Variants in HHIPL1 observed in about 807,000 individuals in gnomAD.
HHIPL1 encodes HHIP-like protein 1.
In HHIPL1, 43 loss-of-function variants were observed where a neutral mutation model predicts 61.8. That is an observed-to-expected ratio of 0.70 (90% CI 0.55 to 0.90). The LOEUF is 0.90. Among genes scored for constraint, HHIPL1 ranks in the 40% least tolerant of loss-of-function variants. The pLI is 0.00. For synonymous variants in HHIPL1, 482 were observed against 515.8 expected, an observed-to-expected ratio of 0.93 and a Z score of 0.89; for missense variants, 1,056 against 1,157.7, an observed-to-expected ratio of 0.91 and a Z score of 1.28.
chr14:99,637,205 AAAGAAAG>A, the HHIPL1 span, among the ~76,000 whole-genome samples: 1 of 48,078 alleles, frequency 2.1e-5, no homozygotes, highest in Non-Finnish European at 4.9e-5. Context: ...AGAAAGGAAG[AAAGAAAG>A]AAAGAAAGAA....
chr14:99,604,652 G>C, the HHIPL1 span: 1 of 152,144 alleles, frequency 6.6e-6, no homozygotes, highest in East Asian at 1.9e-4. Flanking sequence ...GGAAAGGTAG[G>C]GCCGGGCTTC....
intron 1 of HHIPL1, among the ~76,000 whole-genome samples, chr14:99,646,817 G>GATATA (rs1408033676): frequency 1.0e-3 from 66 of 64,466 alleles, no homozygotes; most frequent in African/African-American, 2.7e-3. Context: ...GATATGATAT[G>GATATA]ATATGATATG....
At chr14:99,637,042 AGAAAGAAGGAAG>A in the HHIPL1 span, among the ~76,000 whole-genome samples, 7,974 of 121,568 alleles carry the variant, frequency 0.066, 524 homozygotes, top group Non-Finnish European at 0.097. Flanking sequence ...AAAGAAAGAA[AGAAAGAAGGAAG>A]GAAGGAAAAA....
In HHIPL1 at chr14:99,675,131, GC is replaced by G; in HGVS notation, c.1855del (p.Arg619GlyfsTer43). 1 of 1,129,828 alleles carries G rather than the reference GC, an allele frequency of 8.9e-7. No individual in the cohort carries two copies. The highest frequency in any genetic ancestry group is 3.4e-5 in the South Asian group (1 of 29,798). 70.0% of individuals were successfully genotyped at this position (1,129,828 alleles called of 1,614,324 possible). A position where few individuals can be genotyped will look rare whatever the true frequency, so the allele number is the denominator to read the frequency against. ...KTRSTPRPTA[R>X]APTRAPRRGR... Reference sequence around the variant, plus strand: ...CACGGAGCACCCCGCGGCCTACAGCGCGGGCGCCCACGCGGGCGCCCCGCCG... The same window carrying G: ...CACGGAGCACCCCGCGGCCTACAGCGGGGCGCCCACGCGGGCGCCCCGCCG... On this transcript the variant is annotated frameshift_variant, in exon 9 of 9. Transcript: ENST00000330710. LOFTEE classifies it low-confidence loss of function (END_TRUNC). The surrounding 1 kb of genome is among the most constrained non-coding windows in gnomAD (Gnocchi z 5.4).
the HHIPL1 span, among the ~76,000 whole-genome samples, chr14:99,630,822 T>C: frequency 2.0e-5 from 3 of 152,162 alleles, no homozygotes; most frequent in East Asian, 3.9e-4. Flanking sequence ...ACAAAGTCGA[T>C]ATTCTGTCCC....
chr14:99,605,611 G>T, the HHIPL1 span, among the ~76,000 whole-genome samples: 2 of 152,382 alleles, frequency 1.3e-5, no homozygotes, highest in African/African-American at 4.8e-5. Flanking sequence ...GGGACTTGGC[G>T]TCCTGGGAGC....
upstream of HHIPL1, among the ~76,000 whole-genome samples, chr14:99,644,308 C>T (rs1453878817): frequency 2.6e-5 from 4 of 152,150 alleles, no homozygotes; most frequent in Non-Finnish European, 5.9e-5. Context: ...GAGAAGCAAA[C>T]GCTGAGGTCC....
chr14:99,654,727 C>A (rs1301700329), intron 2 of HHIPL1, among the ~76,000 whole-genome samples: 1 of 152,178 alleles, frequency 6.6e-6, no homozygotes, highest in Non-Finnish European at 1.5e-5. Context: ...CTTTATGATT[C>A]ACAGCATTAG....
the HHIPL1 span, among the ~76,000 whole-genome samples, chr14:99,636,053 C>T: frequency 2.0e-5 from 3 of 152,072 alleles, no homozygotes; most frequent in South Asian, 2.1e-4. Context: ...TCTGGAGCCA[C>T]GGGGCACTGG....
the HHIPL1 span, among the ~76,000 whole-genome samples, chr14:99,619,104 G>C: frequency 6.6e-6 from 1 of 152,002 alleles, no homozygotes; most frequent in East Asian, 1.9e-4. Context: ...TATCCCTCCC[G>C]ACACCCCGTG....
chr14:99,631,649 G>A, the HHIPL1 span, among the ~76,000 whole-genome samples: 1 of 152,090 alleles, frequency 6.6e-6, no homozygotes, highest in African/African-American at 2.4e-5. Flanking sequence ...ATGGAGTCTC[G>A]CTCTATCACC....
intron 1 of HHIPL1, among the ~76,000 whole-genome samples, chr14:99,649,384 G>A (rs1337751243): frequency 6.6e-6 from 1 of 152,198 alleles, no homozygotes; most frequent in African/African-American, 2.4e-5. Flanking sequence ...ATGAAATGTT[G>A]CTGACTAATC....
rs781222882 is a variant in HHIPL1, at chr14:99,662,894, A to G, written c.1521A>G (p.Gln507=). 9.3e-6 allele frequency: 15 copies of G among 1,606,832 alleles called. No homozygotes were observed. Among genetic ancestry groups the G allele is most frequent in the Non-Finnish European group, 1.3e-5 (15 of 1,177,494 alleles). Residue 507 remains glutamine (Q), a synonymous_variant, in exon 6 of 9, where the codon CAA becomes CAG. Transcript: ENST00000330710. ...TTTGCAGGCGTCTGATGTCCCTCCAAGAGAACCCAGGGACAGGCCAGTGGC... is the reference window on the plus strand; with the variant it reads ...TTTGCAGGCGTCTGATGTCCCTCCAGGAGAACCCAGGGACAGGCCAGTGGC... ...DFMSGRLMSL[Q]ENPGTGQWQY... is the part of the protein sequence containing the mutation.
chr14:99,655,776 C>T (rs964525076), intron 2 of HHIPL1, among the ~76,000 whole-genome samples: 1 of 152,188 alleles, frequency 6.6e-6, no homozygotes, highest in African/African-American at 2.4e-5. Flanking sequence ...GGTTAAGTTA[C>T]TTAAAGACTA....
the HHIPL1 span, among the ~76,000 whole-genome samples, chr14:99,610,953 A>G: frequency 1.3e-5 from 2 of 152,190 alleles, no homozygotes; most frequent in African/African-American, 4.8e-5. Context: ...GCATTGTAGG[A>G]CATTCACCAG....
intron 6 of HHIPL1, among the ~76,000 whole-genome samples, chr14:99,666,815 AGTGGGACTG>A (rs1180097756): frequency 1.3e-5 from 2 of 152,152 alleles, no homozygotes; most frequent in Non-Finnish European, 2.9e-5. Flanking sequence ...CGACCTCCCC[AGTGGGACTG>A]GTGCCCCTGG....
intron 2 of HHIPL1, among the ~76,000 whole-genome samples, chr14:99,653,764 T>C (rs1022265626): frequency 2.6e-5 from 4 of 152,210 alleles, no homozygotes; most frequent in Non-Finnish European, 4.4e-5. Flanking sequence ...CCAACTGTTT[T>C]CAAAATGGGT....
At chr14:99,665,758 A>ATTG in intron 6 of HHIPL1, among the ~76,000 whole-genome samples, 1 of 150,282 alleles carries the variant, frequency 6.7e-6, no homozygotes, top group African/African-American at 2.4e-5. Context: ...TTTTGTTGTT[A>ATTG]TTGTTGTTGT....
chr14:99,673,880 G>C (rs1406440250), intron 8 of HHIPL1, among the ~76,000 whole-genome samples: 1 of 117,422 alleles, frequency 8.5e-6, no homozygotes, highest in Non-Finnish European at 1.8e-5. Flanking sequence ...TTGCACGGGG[G>C]GGTGCACCTG....
Sources: allele counts gnomAD v4.1 joint callset (sites outside exome capture counted in the v4.1 genomes callset), GRCh38; gene constraint gnomAD v4.1.1; non-coding constraint Gnocchi (gnomAD v3.1); transcripts MANE v1.5; gene names NCBI Gene and HGNC (gene_info 2026-07-23, HGNC 2026-07-21).